CHD3: variants seen among roughly 807,000 people sequenced by gnomAD.
CHD3 encodes the protein chromodomain helicase DNA binding protein 3, also known as ATP-dependent chromatin remodeler CHD3.
A neutral mutation model predicts 248.9 loss-of-function variants in CHD3; 52 were observed. The observed-to-expected ratio is 0.21, with a 90% CI of 0.17 to 0.26. The LOEUF is 0.26. Among genes scored for constraint, CHD3 ranks in the 10% least tolerant of loss-of-function variants. The pLI, the probability that CHD3 is intolerant of heterozygous loss-of-function variation, is 1.00. For missense variants in CHD3, 1,482 were observed against 2,605.8 expected (o/e 0.57, Z 9.39); for synonymous variants, 985 against 985.2 (o/e 1.00, Z 0.00).
At chr17:7,884,926 C>T, upstream of CHD3, 2 of 1,399,096 alleles carry the variant, frequency 1.4e-6, no homozygotes, top group Non-Finnish European at 9.4e-7. Context: ...AGGCGGCCGA[C>T]GAGGACGATG....
Position 7,893,838 on chromosome 17 carries a change from G to A in CHD3, c.827G>A (p.Arg276Gln), listed in dbSNP as rs749330456. 5 of 1,614,038 alleles carry A rather than the reference G, an allele frequency of 3.1e-6. No individual in the cohort carries two copies. The highest frequency in any genetic ancestry group is 4.2e-6 in the Non-Finnish European group (5 of 1,180,024). ...PGHKRRSKSP[R>Q]VPDGRKKLRG... ...CATAAGAGGCGGAGTAAGAGCCCCC[G>A]AGTGCCTGATGGACGCAAGAAGCTT... Residue 276 changes from arginine (R) to glutamine (Q), a missense_variant, in exon 6 of 40, where the codon CGA becomes CAA. Coordinates refer to ENST00000330494, the MANE Select transcript of CHD3 (RefSeq NM_001005273.3).
Position 7,905,251 on chromosome 17 carries a change from A to G in CHD3, c.4138+86A>G. On this transcript the variant is annotated intron_variant, in intron 26 of 39. Coordinates refer to ENST00000330494, the MANE Select transcript of CHD3 (RefSeq NM_001005273.3). The surrounding 1 kb of genome is among the most constrained non-coding windows in gnomAD (Gnocchi z 5.8). The stretch of plus-strand genomic sequence containing the variant: ...AAGCCCACTGTTTTTATACAAGTAA[A>G]AAAGTCTTCGTGTGTGTGTGGAAAA... The G allele has an allele frequency of 7.7e-7, 1 of 1,294,746 alleles. No individual in the cohort carries two copies. The highest frequency in any genetic ancestry group is 2.3e-5 in the East Asian group (1 of 42,964). 80.2% of individuals were successfully genotyped at this position (1,294,746 alleles called of 1,614,324 possible).
At position 7,895,984 on chromosome 17, in the gene CHD3, G is replaced by C. The variant is rs1410552910; in HGVS notation, c.1707+442G>C. On this transcript the variant is annotated intron_variant, in intron 10 of 39. Coordinates refer to ENST00000330494, the MANE Select transcript of CHD3 (RefSeq NM_001005273.3). The surrounding 1 kb of genome is among the most constrained non-coding windows in gnomAD (Gnocchi z 4.9). The stretch of plus-strand genomic sequence containing the variant: ...CTCACGCCTGTAATCCCAGTACTTT[G>C]GGAGGCCGAGGTGGGCGGATCACCT... 2.6e-5 allele frequency among the ~76,000 whole-genome samples: 4 copies of C among 151,950 alleles called. No individual in the cohort carries two copies. The highest frequency in any genetic ancestry group is 3.2e-3 in the Middle Eastern group (1 of 314).
chr17:7,909,139 T>A lies in CHD3; in HGVS notation c.5395-4T>A. On this transcript the variant is annotated splice_polypyrimidine_tract_variant and splice_region_variant and intron_variant, in intron 36 of 39. Transcript: ENST00000330494. The surrounding 1 kb of genome is among the most constrained non-coding windows in gnomAD (Gnocchi z 8.1). ...ACCTTCACCTCCCAACTCTGTGCCC[T>A]CAGCTCCTGGAGCAGGCGCTGGTGA... 1 of 1,554,556 alleles carries A rather than the reference T, an allele frequency of 6.4e-7. No individual in the cohort carries two copies.
In CHD3 at chr17:7,900,313, C is replaced by T; in HGVS notation, c.2706C>T (p.Tyr902=). Residue 902 remains tyrosine (Y), a synonymous_variant, in exon 17 of 40, where the codon TAC becomes TAT. Coordinates refer to ENST00000330494, the MANE Select transcript of CHD3 (RefSeq NM_001005273.3). This position sits in a 1 kb window ranked among gnomAD's most constrained non-coding sequence, Gnocchi z 6.5. The stretch of plus-strand genomic sequence containing the variant: ...AGTTTTTCAGGGTTCTCAATGGTTA[C>T]AAGATAGATCATAAGTTGCTGCTGA... ...QSKFFRVLNG[Y]KIDHKLLLTG... 6.2e-7 allele frequency: 1 copy of T among 1,614,106 alleles called. No homozygotes were observed. Among genetic ancestry groups the T allele is most frequent in the Non-Finnish European group, 8.5e-7 (1 of 1,180,018 alleles).
Position 7,897,902 on chromosome 17 carries a change from G to T in CHD3, c.1920-69G>T, listed in dbSNP as rs943238544. 1 of 1,514,200 alleles carries T rather than the reference G, an allele frequency of 6.6e-7. No individual in the cohort carries two copies. The highest frequency in any genetic ancestry group is 2.3e-5 in the East Asian group (1 of 43,296). The allele number at this position is 1,514,200 out of a possible 1,614,324, so 93.8% of individuals were successfully genotyped here. On this transcript the variant is annotated intron_variant, in intron 11 of 39. Transcript: ENST00000330494. This position sits in a 1 kb window ranked among gnomAD's most constrained non-coding sequence, Gnocchi z 4.8. Reference sequence around the variant, plus strand: ...GTTTGCTGATAATTGCGTTTCTCAGGCCTTCTTTCTGTTTGTGATCTGTGC... The same window carrying T: ...GTTTGCTGATAATTGCGTTTCTCAGTCCTTCTTTCTGTTTGTGATCTGTGC...
chr17:7,904,349 T>C lies in CHD3; in HGVS notation c.3895-93T>C, dbSNP rs915635807. ...AAGCTGCAGGAGTGGGGAGACCGGA[T>C]TGGGCTGACGCAGCAGAGTAGGGAT... is the stretch of plus-strand genomic sequence containing the variant. On this transcript the variant is annotated intron_variant, in intron 24 of 39. Transcript: ENST00000330494. The surrounding 1 kb of genome is among the most constrained non-coding windows in gnomAD (Gnocchi z 4.4). The C allele has an allele frequency of 1.1e-5, 13 of 1,224,332 alleles. No individual in the cohort carries two copies. In the Admixed American group the frequency reaches 1.2e-4, roughly 12 times the overall value. 75.8% of individuals were successfully genotyped at this position (1,224,332 alleles called of 1,614,324 possible). A position where few individuals can be genotyped will look rare whatever the true frequency, so the allele number is the denominator to read the frequency against.
chr17:7,901,083 G>C, intron 19 of CHD3, 90 bp downstream of exon 19: 1 of 1,535,262 alleles, frequency 6.5e-7, no homozygotes, highest in East Asian at 2.3e-5. Flanking sequence ...GAGCCACAGG[G>C]GTGGAGCTGG....
chr17:7,893,484 C>G lies in CHD3; in HGVS notation c.708C>G (p.Pro236=), dbSNP rs146326109. The part of the protein sequence containing the change: ...AAVSSATPIA[P]SGPPALPPPP... ...TCTCGTCGGCCACCCCCATAGCACC[C>G]TCCGGACCCCCCGCCCTTCCACCAC... is the stretch of plus-strand genomic sequence containing the variant. The change falls in exon 5 of 40, where the codon CCC becomes CCG. Residue 236 remains proline (P), a synonymous_variant. Transcript: ENST00000330494. The G allele has an allele frequency of 4.3e-5, 68 of 1,589,214 alleles. No individual in the cohort carries two copies. Among genetic ancestry groups the G allele is most frequent in the Non-Finnish European group, 5.6e-5 (65 of 1,162,634 alleles).
upstream of CHD3, chr17:7,885,102 T>TC (rs994749718): frequency 8.0e-5 from 76 of 953,350 alleles, no homozygotes; most frequent in Middle Eastern, 5.5e-4. Context: ...CCGCCCCGAC[T>TC]CCCCCCCCAA....
chr17:7,893,420 C>T lies in CHD3; in HGVS notation c.644C>T (p.Ala215Val), dbSNP rs758932765. Residue 215 changes from alanine to valine, a missense_variant, in exon 5 of 40, where the codon GCA (alanine) becomes GTA (valine). Physicochemically the swap from Ala to Val is moderately conservative, Grantham distance 64. Coordinates refer to ENST00000330494, the MANE Select transcript of CHD3 (RefSeq NM_001005273.3). ...SAAAVAAAAA[A>V]AAAAVAEQVS... ...GCTGCTGTGGCGGCGGCAGCGGCAGCAGCAGCAGCAGCTGTAGCTGAGCAG... is the reference window on the plus strand; with the variant it reads ...GCTGCTGTGGCGGCGGCAGCGGCAGTAGCAGCAGCAGCTGTAGCTGAGCAG... 1.2e-6 allele frequency: 2 copies of T among 1,611,606 alleles called. No homozygotes were observed. Among genetic ancestry groups the T allele is most frequent in the Non-Finnish European group, 1.7e-6 (2 of 1,179,044 alleles).
rs759542084 is a variant in CHD3, at chr17:7,907,886, C to T, written c.5027-8C>T. 2 of 1,609,686 alleles carry T rather than the reference C, an allele frequency of 1.2e-6. No homozygotes were observed. The highest frequency in any genetic ancestry group is 2.2e-5 in the East Asian group (1 of 44,782). ...GAGGTGTGAGCTTTGACCTGTCTGT[C>T]CTAGCAGAAGATGTAAAAGGTGACC... On this transcript the variant is annotated splice_region_variant and splice_polypyrimidine_tract_variant and intron_variant, in intron 33 of 39. Transcript: ENST00000330494. This position sits in a 1 kb window ranked among gnomAD's most constrained non-coding sequence, Gnocchi z 4.3.
In CHD3 at chr17:7,889,504, G is replaced by C. The variant is rs527257444; in HGVS notation, c.101-160G>C. Among the ~76,000 whole-genome samples the C allele has an allele frequency of 3.9e-5, 6 of 152,290 alleles. No individual in the cohort carries two copies. Among genetic ancestry groups the C allele is most frequent in the African/African-American group, 1.4e-4 (6 of 41,554 alleles). On this transcript the variant is annotated intron_variant, in intron 1 of 39. Coordinates refer to ENST00000330494, the MANE Select transcript of CHD3 (RefSeq NM_001005273.3). The surrounding 1 kb of genome is among the most constrained non-coding windows in gnomAD (Gnocchi z 4.5). ...AGAACCAGAGCATCCCAGAGTACTC[G>C]AAACACTTTCTGTTTGCATCCAGTG...
rs577687053 is a variant in CHD3 at position 7,911,121 on chromosome 17, C to T, written c.5881+148C>T. 5 of 1,154,396 alleles carry T rather than the reference C, an allele frequency of 4.3e-6. No individual in the cohort carries two copies. The South Asian group carries it at 5.6e-5, about 13-fold the overall frequency. The allele number at this position is 1,154,396 out of a possible 1,614,324, so 71.5% of individuals were successfully genotyped here. A position where few individuals can be genotyped will look rare whatever the true frequency, so the allele number is the denominator to read the frequency against. ...TGGGATAGAGTTGTTCTAGGCTGTC[C>T]CCCCACCCATCCCTTTCTTAACCCC... On this transcript the variant is annotated intron_variant, in intron 39 of 39. Transcript: ENST00000330494. This position sits in a 1 kb window ranked among gnomAD's most constrained non-coding sequence, Gnocchi z 5.4.
Position 7,911,871 on chromosome 17 carries a change from A to G in CHD3, c.*286A>G, listed in dbSNP as rs1236179203. On this transcript the variant is annotated 3_prime_UTR_variant, in exon 40 of 40. Transcript: ENST00000330494. This position sits in a 1 kb window ranked among gnomAD's most constrained non-coding sequence, Gnocchi z 5.4. ...CCAAGTACCTTCCTCCCACACTGCC[A>G]AGTATACACAACTTCCCAGTAAATG... 15 of 684,274 alleles carry G rather than the reference A, an allele frequency of 2.2e-5. No homozygotes were observed. Among genetic ancestry groups the G allele is most frequent in the Non-Finnish European group, 3.3e-5 (15 of 450,612 alleles). 42.4% of individuals were successfully genotyped at this position (684,274 alleles called of 1,614,324 possible).
At position 7,911,427 on chromosome 17, in the gene CHD3, C is replaced by G. The variant is rs199639442; in HGVS notation, c.5882-37C>G. The G allele has an allele frequency of 1.4e-5, 23 of 1,613,904 alleles. No individual in the cohort carries two copies. The South Asian group carries it at 1.8e-4, about 12-fold the overall frequency. On this transcript the variant is annotated intron_variant, in intron 39 of 39. Coordinates refer to ENST00000330494, the MANE Select transcript of CHD3 (RefSeq NM_001005273.3). This position sits in a 1 kb window ranked among gnomAD's most constrained non-coding sequence, Gnocchi z 5.4. ...TCATGAAGTGACGTTTGAGAGTGAT[C>G]TGGAGATTGATCTTTCCTTACCCCT...
chr17:7,907,471 G>A lies in CHD3; in HGVS notation c.4907G>A (p.Gly1636Glu), dbSNP rs1307471209. The A allele has an allele frequency of 1.9e-6, 3 of 1,597,854 alleles. No individual in the cohort carries two copies. Among genetic ancestry groups the A allele is most frequent in the Non-Finnish European group, 2.6e-6 (3 of 1,173,282 alleles). Residue 1636 changes from glycine (G) to glutamate (E), a missense_variant, in exon 32 of 40, where the codon GGG (glycine) becomes GAG (glutamate). Gly to Glu is a moderately conservative substitution (Grantham distance 98, BLOSUM62 -2). Coordinates refer to ENST00000330494, the MANE Select transcript of CHD3 (RefSeq NM_001005273.3). This position sits in a 1 kb window ranked among gnomAD's most constrained non-coding sequence, Gnocchi z 4.3. ...ATGGAGCCTGAACCTGGGTACCGTG[G>A]GGACAGAGAGAAGTCAGGTGGGTGC... ...GEMEPEPGYR[G>E]DREKSATEST...
At position 7,903,543 on chromosome 17, in the gene CHD3, G is replaced by C. The variant is rs1049497929; in HGVS notation, c.3727+40G>C. The C allele has an allele frequency of 2.0e-6, 3 of 1,520,604 alleles. No homozygotes were observed. The highest frequency in any genetic ancestry group is 1.7e-4 in the Middle Eastern group (1 of 5,912). 94.2% of individuals were successfully genotyped at this position (1,520,604 alleles called of 1,614,324 possible). On this transcript the variant is annotated intron_variant, in intron 23 of 39. Coordinates refer to ENST00000330494, the MANE Select transcript of CHD3 (RefSeq NM_001005273.3). The surrounding 1 kb of genome is among the most constrained non-coding windows in gnomAD (Gnocchi z 6.8). ...TGCAGCTCTGTGAAAGCAGGCCCCT[G>C]CTCTCTCAGGAGTACTTATCAGCCC...
chr17:7,905,935 T>C lies in CHD3; in HGVS notation c.4304T>C (p.Phe1435Ser). Residue 1435 changes from phenylalanine (F) to serine (S), a missense_variant, in exon 28 of 40, where the codon TTC (phenylalanine) becomes TCC (serine). Coordinates refer to ENST00000330494, the MANE Select transcript of CHD3 (RefSeq NM_001005273.3). This position sits in a 1 kb window ranked among gnomAD's most constrained non-coding sequence, Gnocchi z 5.8. Reference sequence around the variant, plus strand: ...TGGGGGATGCCACCACAGGATGCCTTCACCACACAGTGGCTGGTGCGGGAC... The same window carrying C: ...TGGGGGATGCCACCACAGGATGCCTCCACCACACAGTGGCTGGTGCGGGAC... Reference protein sequence around the residue: ...MRWGMPPQDAFTTQWLVRDLR... With the variant: ...MRWGMPPQDASTTQWLVRDLR... 6.2e-7 allele frequency: 1 copy of C among 1,614,154 alleles called. No homozygotes were observed. The highest frequency in any genetic ancestry group is 8.5e-7 in the Non-Finnish European group (1 of 1,180,010).
Sources: gnomAD v4.1 joint callset for allele counts (sites outside exome capture counted in the v4.1 genomes callset) on GRCh38, gnomAD v4.1.1 for gene constraint, Gnocchi (gnomAD v3.1) non-coding constraint, MANE v1.5 for transcripts, NCBI Gene and HGNC (gene_info 2026-07-23, HGNC 2026-07-21) for gene names.